Variants in ADORA2B observed in about 807,000 individuals in gnomAD.
ADORA2B encodes the protein adenosine A2b receptor, also known as adenosine receptor A2b.
A neutral mutation model predicts 20.8 loss-of-function variants in ADORA2B; 18 were observed. That is an observed-to-expected ratio of 0.87 (90% CI 0.60 to 1.29). The LOEUF (loss-of-function observed/expected upper bound fraction) is 1.29, where lower values mean the gene tolerates loss of function less well. Ranked by LOEUF, ADORA2B falls within the 50% of genes most tolerant of loss-of-function variation. ADORA2B has a pLI of 0.00. For missense variants in ADORA2B, 441 were observed against 422.7 expected, an observed-to-expected ratio of 1.04 and a Z score of -0.38; for synonymous variants, 179 against 178.3, an observed-to-expected ratio of 1.00 and a Z score of -0.03.
chr17:15,880,615 C>T, the ADORA2B span, among the ~76,000 whole-genome samples: 3 of 147,888 alleles, frequency 2.0e-5, no homozygotes, highest in African/African-American at 5.1e-5. Flanking sequence ...TGGGGTCGGA[C>T]AGCAGCCTAC....
At chr17:15,958,965 G>A (rs139808902) in intron 1 of ADORA2B, among the ~76,000 whole-genome samples, 125 of 152,316 alleles carry the variant, frequency 8.2e-4, no homozygotes, top group African/African-American at 2.9e-3. Context: ...AGAGTCGGCA[G>A]TATACATGTG....
the ADORA2B span, among the ~76,000 whole-genome samples, chr17:15,862,321 T>C: frequency 6.6e-6 from 1 of 150,422 alleles, no homozygotes; most frequent in Non-Finnish European, 1.5e-5. Context: ...GTCCAAGTGA[T>C]TCTCATGCCT....
the ADORA2B span, among the ~76,000 whole-genome samples, chr17:15,923,132 C>T: frequency 1.1e-3 from 163 of 150,580 alleles, no homozygotes; most frequent in South Asian, 4.2e-4. Context: ...AAGTGGTTCT[C>T]GTGCCTCAGC....
intron 1 of ADORA2B, among the ~76,000 whole-genome samples, chr17:15,960,342 C>T (rs1336362615): frequency 6.6e-5 from 1 of 15,184 alleles, no homozygotes; most frequent in Non-Finnish European, 1.3e-3. Context: ...ATCACGAGGT[C>T]AGGAGATCGA....
chr17:15,918,564 C>A, the ADORA2B span, among the ~76,000 whole-genome samples: 1 of 152,154 alleles, frequency 6.6e-6, no homozygotes, highest in African/African-American at 2.4e-5. Context: ...CTCCGCCTTC[C>A]GGATTCAAGC....
chr17:15,921,274 G>A, the ADORA2B span, among the ~76,000 whole-genome samples: 1 of 152,174 alleles, frequency 6.6e-6, no homozygotes, highest in Non-Finnish European at 1.5e-5. Context: ...AGCAACAGGC[G>A]GCTTTTACTC....
the ADORA2B span, among the ~76,000 whole-genome samples, chr17:15,868,071 C>T: frequency 1.4e-4 from 20 of 145,712 alleles, no homozygotes; most frequent in African/African-American, 4.0e-4. Flanking sequence ...TGTGACCTTA[C>T]CCCCAATCCT....
intron 1 of ADORA2B, among the ~76,000 whole-genome samples, chr17:15,951,282 C>A (rs1175154734): frequency 6.6e-6 from 1 of 152,250 alleles, no homozygotes; most frequent in East Asian, 1.9e-4. Context: ...TGTCCGGGGA[C>A]TGCCAGGCAG....
the ADORA2B span, among the ~76,000 whole-genome samples, chr17:15,921,823 A>G: frequency 6.6e-6 from 1 of 152,220 alleles, no homozygotes; most frequent in African/African-American, 2.4e-5. Context: ...AGTGGCATTT[A>G]TCCTCATAAA....
intron 1 of ADORA2B, among the ~76,000 whole-genome samples, chr17:15,955,524 A>T (rs1597424145): frequency 6.7e-6 from 1 of 149,906 alleles, no homozygotes; most frequent in East Asian, 2.0e-4. Flanking sequence ...CTCCTGCCTC[A>T]CCCTCCCGAG....
intron 1 of ADORA2B, among the ~76,000 whole-genome samples, chr17:15,953,426 G>A (rs2535609): frequency 0.64 from 97,291 of 152,210 alleles, 34,701 homozygotes; most frequent in South Asian, 0.81. Context: ...TCCCTCTGCC[G>A]GGGGCAGCCC....
chr17:15,919,218 C>T, the ADORA2B span, among the ~76,000 whole-genome samples: 26 of 152,084 alleles, frequency 1.7e-4, no homozygotes, highest in Admixed American at 1.7e-3. Flanking sequence ...GTTCTAAAGC[C>T]CAGTGGCCTA....
At chr17:15,965,885 T>G (rs1970109811) in intron 1 of ADORA2B, among the ~76,000 whole-genome samples, 2 of 152,254 alleles carry the variant, frequency 1.3e-5, no homozygotes, top group Admixed American at 1.3e-4. Context: ...TCAGCCTTGC[T>G]CTAATTAAAG....
At chr17:15,919,682 G>A in the ADORA2B span, among the ~76,000 whole-genome samples, 1 of 152,076 alleles carries the variant, frequency 6.6e-6, no homozygotes, top group African/African-American at 2.4e-5. Flanking sequence ...TGAGCCTCCT[G>A]AGGTCAGGAG....
the ADORA2B span, chr17:15,858,665 C>CA: frequency 1.3e-5 from 2 of 152,704 alleles, no homozygotes; most frequent in Non-Finnish European, 2.9e-5. Context: ...TGCGCACACA[C>CA]ACACGCACCT....
At chr17:15,909,590 C>G in the ADORA2B span, among the ~76,000 whole-genome samples, 110 of 152,136 alleles carry the variant, frequency 7.2e-4, 1 homozygote, top group African/African-American at 2.6e-3. Context: ...ACCTCCGGTT[C>G]TTTAACACTC....
At chr17:15,894,626 T>C in the ADORA2B span, among the ~76,000 whole-genome samples, 229 of 152,166 alleles carry the variant, frequency 1.5e-3, 2 homozygotes, top group Non-Finnish European at 2.7e-3. Context: ...TGGAAAGACA[T>C]AGAAAGATTA....
the ADORA2B span, among the ~76,000 whole-genome samples, chr17:15,934,503 C>T: frequency 2.0e-5 from 3 of 152,244 alleles, 1 homozygote; most frequent in Middle Eastern, 6.8e-3. Flanking sequence ...GGATTACAGG[C>T]GTGAGCCACC....
At chr17:15,904,464 T>G in the ADORA2B span, among the ~76,000 whole-genome samples, 36 of 148,992 alleles carry the variant, frequency 2.4e-4, no homozygotes, top group Non-Finnish European at 1.9e-4. Context: ...TGCAGCTCAC[T>G]GCAAGCTCCA....
Sources: allele counts gnomAD v4.1 joint callset (sites outside exome capture counted in the v4.1 genomes callset), GRCh38; gene constraint gnomAD v4.1.1; transcripts MANE v1.5; gene names NCBI Gene and HGNC (gene_info 2026-07-23, HGNC 2026-07-21).